BACE2: variants seen among roughly 807,000 people sequenced by gnomAD.
The protein encoded by BACE2 is 56 kDa aspartic-like protease.
In BACE2, 17 loss-of-function variants were observed where a neutral mutation model predicts 46.2. That is an observed-to-expected ratio of 0.37 (90% confidence interval 0.25 to 0.55). The LOEUF is 0.55. Among genes scored for constraint, BACE2 ranks in the 20% least tolerant of loss-of-function variants. The pLI is 0.82. For missense variants in BACE2, 595 were observed against 698.1 expected (o/e 0.85, Z 1.66); for synonymous variants, 277 against 295.9 (o/e 0.94, Z 0.66).
chr21:41,174,903 A>G (rs574304362), intron 1 of BACE2, among the ~76,000 whole-genome samples: 15 of 152,304 alleles, frequency 9.8e-5, no homozygotes, highest in South Asian at 6.2e-4. Flanking sequence ...ACAATAGGGC[A>G]TACCTGTGAG....
chr21:41,262,473 G>A (rs1358599869), intron 8 of BACE2, among the ~76,000 whole-genome samples: 4 of 151,882 alleles, frequency 2.6e-5, no homozygotes, highest in Non-Finnish European at 4.4e-5. Context: ...TATCTGGCAG[G>A]GACTTGACCC....
intron 6 of BACE2, 77 bp downstream of exon 6, chr21:41,246,140 T>A: frequency 2.8e-6 from 3 of 1,088,442 alleles, no homozygotes; most frequent in Non-Finnish European, 4.0e-6. Context: ...CTGCGTGTTC[T>A]GAGCATCTCT....
At chr21:41,222,474 G>C (rs1238077262) in intron 1 of BACE2, among the ~76,000 whole-genome samples, 1 of 152,248 alleles carries the variant, frequency 6.6e-6, no homozygotes, top group African/African-American at 2.4e-5. Context: ...AAGGTGGCCA[G>C]GGGAAAGGCC....
At chr21:41,227,528 T>C (rs1986855529) in intron 2 of BACE2, among the ~76,000 whole-genome samples, 1 of 152,222 alleles carries the variant, frequency 6.6e-6, no homozygotes, top group African/African-American at 2.4e-5. Flanking sequence ...TGTATATCTA[T>C]GCTACCTACA....
At chr21:41,238,517 G>A (rs995127714) in intron 3 of BACE2, among the ~76,000 whole-genome samples, 2 of 151,990 alleles carry the variant, frequency 1.3e-5, no homozygotes, top group Non-Finnish European at 2.9e-5. Context: ...TGTTTATTGC[G>A]GCATTATTCA....
intron 3 of BACE2, among the ~76,000 whole-genome samples, chr21:41,241,503 TA>T (rs1987284548): frequency 6.6e-6 from 1 of 152,118 alleles, no homozygotes; most frequent in Admixed American, 6.6e-5. Context: ...CCTGCCACGG[TA>T]ACCTACTTCC....
chr21:41,178,863 G>T, intron 1 of BACE2: 1 of 252,050 alleles, frequency 4.0e-6, no homozygotes, highest in Non-Finnish European at 7.7e-6. Flanking sequence ...GATTGTCAAG[G>T]AAGTAAACAG....
chr21:41,243,484 C>T lies in BACE2; in HGVS notation c.856C>T (p.Gln286Ter). ...AATTCTGAAATTGGAAATTGGAGGC[C>T]AAAGCCTTAATCTGGACTGCAGAGA... ...IEILKLEIGGQSLNLDCREYN... is the reference protein window; with the variant it reads ...IEILKLEIGG The change falls in exon 5 of 9, where the codon CAA (glutamine) becomes TAA (stop). Residue 286 changes from glutamine to a stop codon, truncating the protein, a stop_gained. Coordinates refer to ENST00000330333, the MANE Select transcript of BACE2 (RefSeq NM_012105.5). LOFTEE classifies it high-confidence loss of function. 6.2e-7 allele frequency: 1 copy of T among 1,612,470 alleles called. No individual in the cohort carries two copies. The highest frequency in any genetic ancestry group is 8.5e-7 in the Non-Finnish European group (1 of 1,179,312).
chr21:41,254,273 C>G (rs137948478), intron 7 of BACE2, among the ~76,000 whole-genome samples: 1 of 152,224 alleles, frequency 6.6e-6, no homozygotes, highest in Non-Finnish European at 1.5e-5. Context: ...TCTAAGGTTT[C>G]TTCACAGCTT....
At chr21:41,239,848 T>C (rs1375310154) in intron 3 of BACE2, among the ~76,000 whole-genome samples, 1 of 152,228 alleles carries the variant, frequency 6.6e-6, no homozygotes, top group Non-Finnish European at 1.5e-5. Context: ...CCTAAATACA[T>C]TTTCAAAATG....
At chr21:41,216,170 T>C (rs1986460612) in intron 1 of BACE2, among the ~76,000 whole-genome samples, 1 of 152,144 alleles carries the variant, frequency 6.6e-6, no homozygotes, top group Admixed American at 6.5e-5. Context: ...TGGCTAGAAT[T>C]CAACACGAGA....
At chr21:41,185,936 A>G (rs1985358883) in intron 1 of BACE2, among the ~76,000 whole-genome samples, 2 of 152,212 alleles carry the variant, frequency 1.3e-5, no homozygotes, top group African/African-American at 4.8e-5. Context: ...ATTAACAGAA[A>G]GTCGAAAGCA....
intron 2 of BACE2, among the ~76,000 whole-genome samples, chr21:41,228,632 T>G (rs1195209646): frequency 2.0e-5 from 3 of 151,996 alleles, no homozygotes; most frequent in Non-Finnish European, 4.4e-5. Context: ...GCTAACAGAG[T>G]GAGATCTCAG....
At chr21:41,218,181 A>G (rs375405273) in intron 1 of BACE2, among the ~76,000 whole-genome samples, 8 of 152,348 alleles carry the variant, frequency 5.3e-5, no homozygotes, top group African/African-American at 1.7e-4. Flanking sequence ...CAATACAACT[A>G]TAGAACTTTG....
rs1169651426 is a variant in BACE2 at position 41,281,018 on chromosome 21, G to A, written c.*5394G>A. On this transcript the variant is annotated 3_prime_UTR_variant, in exon 9 of 9. Coordinates refer to ENST00000330333, the MANE Select transcript of BACE2 (RefSeq NM_012105.5). ...CCCTGATGCTTGGGTGCCCCGTTGA[G>A]CCTCGGGTACTTCTTGGACACTATT... 2 of 152,220 alleles carry A rather than the reference G, an allele frequency of 1.3e-5. No individual in the cohort carries two copies. 9.4% of individuals were successfully genotyped at this position (152,220 alleles called of 1,614,324 possible). A position where few individuals can be genotyped will look rare whatever the true frequency, so the allele number is the denominator to read the frequency against.
chr21:41,204,082 T>A (rs551512488), intron 1 of BACE2, among the ~76,000 whole-genome samples: 3 of 152,174 alleles, frequency 2.0e-5, no homozygotes, highest in African/African-American at 7.2e-5. Flanking sequence ...AGTGGTGCAG[T>A]CTTGGCTCAC....
At chr21:41,264,914 G>A (rs531721255) in intron 8 of BACE2, among the ~76,000 whole-genome samples, 1 of 152,266 alleles carries the variant, frequency 6.6e-6, no homozygotes, top group Admixed American at 6.5e-5. Context: ...AGGCCAGGAG[G>A]TCAAGGCTGC....
chr21:41,188,300 G>A (rs1358780871), intron 1 of BACE2, among the ~76,000 whole-genome samples: 3 of 152,158 alleles, frequency 2.0e-5, no homozygotes, highest in Admixed American at 2.0e-4. Context: ...ATGCCTCATT[G>A]CCTGGGTTTA....
chr21:41,209,166 C>T (rs971624872), intron 1 of BACE2, among the ~76,000 whole-genome samples: 5 of 152,244 alleles, frequency 3.3e-5, no homozygotes, highest in African/African-American at 9.6e-5. Context: ...TGTGTCCAGA[C>T]TAGCAGCAAT....
Sources: gnomAD v4.1 joint callset for allele counts (sites outside exome capture counted in the v4.1 genomes callset) on GRCh38, gnomAD v4.1.1 for gene constraint, MANE v1.5 for transcripts, NCBI Gene and HGNC (gene_info 2026-07-23, HGNC 2026-07-21) for gene names.